Variants in PFAS observed in about 807,000 individuals in gnomAD.
The protein encoded by PFAS is FGAM synthase.
A neutral mutation model predicts 140.6 loss-of-function variants in PFAS; 97 were observed. That is an observed-to-expected ratio of 0.69 (90% CI 0.59 to 0.82). The LOEUF (loss-of-function observed/expected upper bound fraction) is 0.82, where lower values mean the gene tolerates loss of function less well. PFAS is among the 40% of genes least tolerant of loss of function. The pLI is 0.00. For missense variants in PFAS, 1,656 were observed against 1,780.2 expected (o/e 0.93, Z 1.26); for synonymous variants, 679 against 718.8 (o/e 0.94, Z 0.88).
At position 8,264,325 on chromosome 17, in the gene PFAS, GATGC is replaced by G; in HGVS notation, c.1906_1909del (p.Met636LeufsTer23). 6.2e-7 allele frequency: 1 copy of G among 1,614,030 alleles called. No homozygotes were observed. The highest frequency in any genetic ancestry group is 8.5e-7 in the Non-Finnish European group (1 of 1,179,972). On this transcript the variant is annotated frameshift_variant, in exon 16 of 28. Coordinates refer to ENST00000314666, the MANE Select transcript of PFAS (RefSeq NM_012393.3). LOFTEE classifies it high-confidence loss of function. ...TGGAGCTCGAATGGGTGCTGGGCAA[GATGC>G]CTCGGAAGGTATGTGGGGTTGAGGG... is the stretch of plus-strand genomic sequence containing the variant.
rs141972935 is a variant in PFAS, at chr17:8,255,566, C to T, written c.449C>T (p.Thr150Ile). 5.2e-6 allele frequency: 8 copies of T among 1,549,084 alleles called. No homozygotes were observed. The African/African-American group carries it at 8.3e-5, about 16-fold the overall frequency. Residue 150 changes from threonine (T) to isoleucine (I), a missense_variant, in exon 5 of 28, where the codon ACA becomes ATA. This residue lies in a region of PFAS where 773 missense variants were observed against 757.3 expected (regional missense o/e 1.02). Transcript: ENST00000314666. ...IALATLHDRM[T>I]EQHFPHPIQS... is the part of the protein sequence containing the mutation. The stretch of plus-strand genomic sequence containing the variant: ...CTGGCTACCCTGCACGACCGGATGA[C>T]AGAGCAGCACTTCCCCCATCCCATC...
chr17:8,256,750 G>A, intron 8 of PFAS, 85 bp from the exon 9 acceptor site: 2 of 1,555,066 alleles, frequency 1.3e-6, no homozygotes, highest in South Asian at 2.5e-5. Context: ...CAGGGAAATT[G>A]GTTGTCCTTA....
chr17:8,267,401 C>A lies in PFAS; in HGVS notation c.3205C>A (p.Arg1069=), dbSNP rs368793879. Residue 1069 remains arginine (R), a synonymous_variant, in exon 25 of 28, where the codon CGA becomes AGA. Coordinates refer to ENST00000314666, the MANE Select transcript of PFAS (RefSeq NM_012393.3). This position sits in a 1 kb window ranked among gnomAD's most constrained non-coding sequence, Gnocchi z 4.9. ...TCCCAGCCCCCGAGTCGCCATCTTGCGAGAGGAGGGCAGTAATGGAGACCG... is the reference window on the plus strand; with the variant it reads ...TCCCAGCCCCCGAGTCGCCATCTTGAGAGAGGAGGGCAGTAATGGAGACCG... The part of the protein sequence containing the change: ...GGPSPRVAIL[R]EEGSNGDREM... The A allele has an allele frequency of 2.5e-5, 40 of 1,613,950 alleles. No homozygotes were observed. The highest frequency in any genetic ancestry group is 3.4e-5 in the Non-Finnish European group (40 of 1,179,990).
At chr17:8,254,852 G>T (rs533587976) in intron 3 of PFAS, among the ~76,000 whole-genome samples, 175 bp from the exon 4 acceptor site, 22 of 152,316 alleles carry the variant, frequency 1.4e-4, no homozygotes, top group African/African-American at 5.3e-4. Flanking sequence ...GGACAGTTTT[G>T]GTTTGGTTTG....
rs999050867 is a variant in PFAS, at chr17:8,258,354, A to G, written c.1336+155A>G. Among the ~76,000 whole-genome samples the G allele has an allele frequency of 5.9e-5, 9 of 152,188 alleles. No homozygotes were observed. The highest frequency in any genetic ancestry group is 8.8e-5 in the Non-Finnish European group (6 of 68,040). On this transcript the variant is annotated intron_variant, in intron 11 of 27. Transcript: ENST00000314666. ...AATGATGGACAACTCATTCTGAGAAATGTGGCTATTAGGTAATTTCATTAT... is the reference window on the plus strand; with the variant it reads ...AATGATGGACAACTCATTCTGAGAAGTGTGGCTATTAGGTAATTTCATTAT...
chr17:8,264,361 T>A (rs1989722673), intron 16 of PFAS, 24 bp downstream of exon 16: 3 of 1,610,280 alleles, frequency 1.9e-6, no homozygotes, highest in Middle Eastern at 1.6e-4. Context: ...AGGGGATGGG[T>A]TTTTCCTGTG....
rs748315484 is a variant in PFAS at position 8,267,031 on chromosome 17, CG to C, written c.2974del (p.Val992CysfsTer3). The C allele has an allele frequency of 2.5e-6, 4 of 1,613,716 alleles. No individual in the cohort carries two copies. The highest frequency in any genetic ancestry group is 3.4e-6 in the Non-Finnish European group (4 of 1,179,992). On this transcript the variant is annotated frameshift_variant, in exon 24 of 28. Coordinates refer to ENST00000314666, the MANE Select transcript of PFAS (RefSeq NM_012393.3). LOFTEE classifies it high-confidence loss of function. This position sits in a 1 kb window ranked among gnomAD's most constrained non-coding sequence, Gnocchi z 4.9. The part of the protein sequence containing the change: ...TGEAGPHAMV[R>X]VSVNGAVVLE... ...GGAGATTTGTTCCTCTTCCTAGGTC[CG>C]GGTGTCAGTGAACGGGGCTGTGGTT...
chr17:8,266,030 C>G lies in PFAS; in HGVS notation c.2701+13C>G. ...GGGCTGCTGAAAGGTGAGTGAAGAC[C>G]CCTGGGGAGATAGCGCACAGGGTGC... is the stretch of plus-strand genomic sequence containing the variant. On this transcript the variant is annotated intron_variant, in intron 21 of 27. Transcript: ENST00000314666. The surrounding 1 kb of genome is among the most constrained non-coding windows in gnomAD (Gnocchi z 5.0). The G allele has an allele frequency of 6.3e-7, 1 of 1,591,730 alleles. No homozygotes were observed. Among genetic ancestry groups the G allele is most frequent in the Admixed American group, 1.7e-5 (1 of 57,484 alleles).
rs554173098 is a variant in PFAS at position 8,262,915 on chromosome 17, T to G, written c.1337-5T>G. 1 of 1,613,174 alleles carries G rather than the reference T, an allele frequency of 6.2e-7. No individual in the cohort carries two copies. The highest frequency in any genetic ancestry group is 1.3e-5 in the African/African-American group (1 of 75,018). ...GTGTTCTGATTCTGCCTTCCCTTCT[T>G]ACAGGCATGGAAGTTGTAAAGGTTG... On this transcript the variant is annotated splice_polypyrimidine_tract_variant and splice_region_variant and intron_variant, in intron 11 of 27. Coordinates refer to ENST00000314666, the MANE Select transcript of PFAS (RefSeq NM_012393.3).
intron 20 of PFAS, 79 bp downstream of exon 20, chr17:8,265,718 C>A (rs1989786197): frequency 3.6e-6 from 5 of 1,404,300 alleles, no homozygotes; most frequent in South Asian, 1.2e-5. Flanking sequence ...TGCTGGGCCC[C>A]CATCTCAACA....
chr17:8,256,992 T>G (rs771216279), intron 9 of PFAS, 29 bp downstream of exon 9: 3 of 1,613,018 alleles, frequency 1.9e-6, no homozygotes, highest in Non-Finnish European at 2.5e-6. Context: ...CTATCCACCT[T>G]CCCTTCCAGA....
upstream of PFAS, chr17:8,249,238 C>T (rs1039487394): frequency 1.3e-5 from 2 of 151,818 alleles, no homozygotes; most frequent in Non-Finnish European, 2.9e-5. Context: ...CGTAGTCGCC[C>T]CGGCGCTGGC....
rs748648398 is a variant in PFAS, at chr17:8,265,119, C to A, written c.2274C>A (p.Asp758Glu). ...ACCTGGTGTTTGCTCTGGTCACTGA[C>A]CTCCGGGTGAGTTCTCCCACAGCTT... ...LTNLVFALVT[D>E]LRDVKCSGNW... is the part of the protein sequence containing the mutation. The change falls in exon 18 of 28, where the codon GAC (aspartate) becomes GAA (glutamate). Residue 758 changes from aspartate (D) to glutamate (E), a missense_variant. By Grantham distance (45) the Asp-to-Glu change is conservative. Around this residue, in one of 2 missense-constraint regions of PFAS, gnomAD observed 883 missense variants for 1,023.0 expected, o/e 0.86. Coordinates refer to ENST00000314666, the MANE Select transcript of PFAS (RefSeq NM_012393.3). 3.1e-6 allele frequency: 5 copies of A among 1,611,082 alleles called. No homozygotes were observed. Among genetic ancestry groups the A allele is most frequent in the Non-Finnish European group, 4.2e-6 (5 of 1,178,646 alleles).
chr17:8,261,034 A>C (rs56309584), intron 11 of PFAS, among the ~76,000 whole-genome samples: 42,270 of 152,156 alleles, frequency 0.28, 6,154 homozygotes, highest in Admixed American at 0.41. Flanking sequence ...AAAAATTGCC[A>C]AACTGTTTTC....
At chr17:8,262,693 G>A (rs1177826963) in intron 11 of PFAS, among the ~76,000 whole-genome samples, 1 of 152,128 alleles carries the variant, frequency 6.6e-6, no homozygotes, top group Non-Finnish European at 1.5e-5. Flanking sequence ...CTACTCAGGA[G>A]GCTGAGGCAG....
chr17:8,255,180 A>C, intron 4 of PFAS, 48 bp downstream of exon 4: 1 of 1,340,404 alleles, frequency 7.5e-7, no homozygotes, highest in Non-Finnish European at 1.1e-6. Context: ...GAGATACAAG[A>C]TTAGATCCTA....
rs989682376 is a variant in PFAS at position 8,258,175 on chromosome 17, A to G, written c.1312A>G (p.Ile438Val). The G allele has an allele frequency of 1.9e-6, 3 of 1,614,120 alleles. No homozygotes were observed. Among genetic ancestry groups the G allele is most frequent in the Non-Finnish European group, 1.7e-6 (2 of 1,180,032 alleles). ...CATTGGGTCCATGGAAGCTGACCAC[A>G]TAAGCAAGGAGGCCCCAGAGCCAGG... ...GGIGSMEADH[I>V]SKEAPEPGME... The change falls in exon 11 of 28, where the codon ATA becomes GTA. Residue 438 changes from isoleucine to valine, a missense_variant. Ile to Val is a conservative substitution (Grantham distance 29). Coordinates refer to ENST00000314666, the MANE Select transcript of PFAS (RefSeq NM_012393.3).
At chr17:8,265,765 T>A in intron 20 of PFAS, 97 bp from the exon 21 acceptor site, 1 of 1,341,020 alleles carries the variant, frequency 7.5e-7, no homozygotes, top group Non-Finnish European at 1.1e-6. Flanking sequence ...ATTGTCTAGG[T>A]GTCTCACCAC....
In PFAS at chr17:8,266,446, G is replaced by GT; in HGVS notation, c.2821+94dup. On this transcript the variant is annotated intron_variant, in intron 22 of 27. Transcript: ENST00000314666. This position sits in a 1 kb window ranked among gnomAD's most constrained non-coding sequence, Gnocchi z 5.0. ...ATATTAAAGAGTGGAGTGCCCTCCA[G>GT]TCCCCTTTCCCTGAGTCTTCCCTGA... 1 of 1,558,472 alleles carries GT rather than the reference G, an allele frequency of 6.4e-7. No individual in the cohort carries two copies. The highest frequency in any genetic ancestry group is 8.7e-7 in the Non-Finnish European group (1 of 1,150,878).
Sources: gnomAD v4.1 joint callset for allele counts (sites outside exome capture counted in the v4.1 genomes callset) on GRCh38, gnomAD v4.1.1 for gene constraint, gnomAD v4.1.1 regional missense constraint, Gnocchi (gnomAD v3.1) non-coding constraint, MANE v1.5 for transcripts, NCBI Gene and HGNC (gene_info 2026-07-23, HGNC 2026-07-21) for gene names.